PJA2: variants seen among roughly 807,000 people sequenced by gnomAD.
The protein encoded by PJA2 is E3 ubiquitin-protein ligase Praja-2.
Under a neutral mutation model 69.3 loss-of-function variants are expected in PJA2, and 25 were observed. The observed-to-expected ratio is 0.36, with a 90% confidence interval of 0.26 to 0.50. PJA2 has a LOEUF of 0.50. PJA2 is among the 20% of genes least tolerant of loss of function. The probability of loss-of-function intolerance (pLI) is 0.96; values close to 1 mark genes in which losing one functional copy is unlikely to be tolerated. For synonymous variants in PJA2, 308 were observed against 277.8 expected (o/e 1.11, Z -1.08); for missense variants, 809 against 830.2 (o/e 0.97, Z 0.31).
In PJA2 at chr5:109,337,295, G is replaced by A. The variant is rs139484791; in HGVS notation, c.2063C>T (p.Ala688Val). The change falls in exon 10 of 10, where the codon GCT becomes GTT. Residue 688 changes from alanine to valine, a missense_variant. Transcript: ENST00000361189. ...FPPAVIEASA[A>V]PSSEPDPDAP... ...ATCAGGATCAGGCTCAGAGGAAGGAGCTGCAGATGCTTCAATAACCGCAGG... is the reference window on the plus strand; with the variant it reads ...ATCAGGATCAGGCTCAGAGGAAGGAACTGCAGATGCTTCAATAACCGCAGG... The A allele has an allele frequency of 8.6e-5, 139 of 1,613,542 alleles. No individual in the cohort carries two copies. The highest frequency in any genetic ancestry group is 1.1e-4 in the Non-Finnish European group (127 of 1,179,794).
At position 109,358,214 on chromosome 5, in the gene PJA2, C is replaced by T. The variant is rs187949657; in HGVS notation, c.1653-2188G>A. Among the ~76,000 whole-genome samples the T allele has an allele frequency of 1.2e-3, 181 of 152,354 alleles. 1 individual carries two copies. Among genetic ancestry groups the T allele is most frequent in the South Asian group, 3.7e-3 (18 of 4,834 alleles). On this transcript the variant is annotated intron_variant, in intron 6 of 9. Transcript: ENST00000361189. ...GAATGAGGGCAAGGAACACCTGGCC[C>T]GCCCAGGGAGGGAAACCGCTTAAAG...
intron 2 of PJA2, among the ~76,000 whole-genome samples, chr5:109,383,026 T>G (rs553444462): frequency 6.6e-6 from 1 of 152,314 alleles, no homozygotes; most frequent in South Asian, 2.1e-4. Flanking sequence ...ATCCCATCAG[T>G]AATCTTGAGG....
intron 9 of PJA2, among the ~76,000 whole-genome samples, chr5:109,339,931 C>T (rs1762012962): frequency 6.6e-6 from 1 of 152,112 alleles, no homozygotes; most frequent in Non-Finnish European, 1.5e-5. Flanking sequence ...AAATTTTGTT[C>T]TGGGAGAAGG....
chr5:109,384,317 T>C (rs1263494560), intron 1 of PJA2, among the ~76,000 whole-genome samples: 1 of 152,244 alleles, frequency 6.6e-6, no homozygotes, highest in African/African-American at 2.4e-5. Flanking sequence ...ATGATGTATT[T>C]ATTCTTTGCA....
chr5:109,400,624 T>C (rs915335351), intron 1 of PJA2, among the ~76,000 whole-genome samples: 1 of 151,988 alleles, frequency 6.6e-6, no homozygotes, highest in Non-Finnish European at 1.5e-5. Flanking sequence ...GCAGTATAAA[T>C]ACAAAACACA....
intron 5 of PJA2, among the ~76,000 whole-genome samples, chr5:109,366,119 C>T (rs930367488): frequency 3.3e-5 from 5 of 152,060 alleles, no homozygotes; most frequent in Admixed American, 2.6e-4. Context: ...TGGTGTACTA[C>T]ATCATTCTGA....
chr5:109,356,162 C>G lies in PJA2; in HGVS notation c.1653-136G>C. 8.1e-6 allele frequency: 5 copies of G among 616,222 alleles called. No homozygotes were observed. In the East Asian group the frequency reaches 1.4e-4, roughly 17 times the overall value. The allele number at this position is 616,222 out of a possible 1,614,324, so 38.2% of individuals were successfully genotyped here. On this transcript the variant is annotated intron_variant, in intron 6 of 9. Transcript: ENST00000361189. ...CAGAAGACCTTAAAATATTTTAATA[C>G]CAACTTGTAGGGTTAGGGGCAGGAG...
chr5:109,363,164 T>A, intron 5 of PJA2, 142 bp from the exon 6 acceptor site: 1 of 635,532 alleles, frequency 1.6e-6, no homozygotes, highest in Non-Finnish European at 2.4e-6. Flanking sequence ...CTGTCTTCCT[T>A]AACTGCAGAA....
chr5:109,381,478 C>T (rs770781673), intron 3 of PJA2, 25 bp downstream of exon 3: 3 of 1,586,908 alleles, frequency 1.9e-6, no homozygotes, highest in Non-Finnish European at 2.6e-6. Flanking sequence ...TATTAATAAC[C>T]TTTAAATAAT....
intron 3 of PJA2, among the ~76,000 whole-genome samples, chr5:109,381,172 A>G (rs774513009): frequency 2.1e-4 from 32 of 152,052 alleles, no homozygotes; most frequent in Non-Finnish European, 1.2e-4. Context: ...GGGAAAAAAT[A>G]TCTCTACTTG....
At chr5:109,359,317 AC>A (rs1442431939) in intron 6 of PJA2, among the ~76,000 whole-genome samples, 1 of 152,208 alleles carries the variant, frequency 6.6e-6, no homozygotes. Flanking sequence ...TCAGTAGTTA[AC>A]CTTCTGAAGA....
chr5:109,377,360 T>C (rs1240334530), intron 4 of PJA2, among the ~76,000 whole-genome samples: 1 of 152,118 alleles, frequency 6.6e-6, no homozygotes, highest in South Asian at 2.1e-4. Flanking sequence ...GGGATGCAAC[T>C]AGCTTACAAG....
chr5:109,394,463 G>T (rs186587339), intron 1 of PJA2, among the ~76,000 whole-genome samples: 2 of 152,148 alleles, frequency 1.3e-5, no homozygotes, highest in African/African-American at 4.8e-5. Flanking sequence ...ATAGTCACTG[G>T]AAGAAAATAT....
At chr5:109,409,694 G>A (rs1162697800) in intron 1 of PJA2, 148 bp downstream of exon 1, 2 of 153,216 alleles carry the variant, frequency 1.3e-5, no homozygotes, top group Non-Finnish European at 2.9e-5. Flanking sequence ...CACCATGGCC[G>A]GCGCAGCAGG....
chr5:109,378,899 T>A lies in PJA2; in HGVS notation c.588A>T (p.Ser196=), dbSNP rs1319741892. 1 of 1,614,214 alleles carries A rather than the reference T, an allele frequency of 6.2e-7. No homozygotes were observed. The highest frequency in any genetic ancestry group is 8.5e-7 in the Non-Finnish European group (1 of 1,180,034). The change falls in exon 4 of 10, where the codon TCA becomes TCT. Residue 196 remains serine (S), a synonymous_variant. Coordinates refer to ENST00000361189, the MANE Select transcript of PJA2 (RefSeq NM_014819.5). The stretch of plus-strand genomic sequence containing the variant: ...CCAACTCAAATACTGTATTGCCTAA[T>A]GATTCCTGGTATCTACTACCTTCCA... ...EVVEGSRYQE[S]LGNTVFELEN... is the part of the protein sequence containing the mutation.
intron 1 of PJA2, among the ~76,000 whole-genome samples, chr5:109,389,181 T>C (rs1747229595): frequency 6.6e-6 from 1 of 152,170 alleles, no homozygotes; most frequent in Non-Finnish European, 1.5e-5. Context: ...AAATAAATCT[T>C]TCTATCTTCT....
At chr5:109,394,857 T>A (rs931028576) in intron 1 of PJA2, among the ~76,000 whole-genome samples, 3 of 151,916 alleles carry the variant, frequency 2.0e-5, no homozygotes, top group African/African-American at 4.8e-5. Context: ...CAGATAAAAA[T>A]TTTTTTTTAA....
rs540596043 is a variant in PJA2, at chr5:109,409,965, C to CGGCGGCGGT, written c.-220_-212dup. ...AAGCGGCTGGCGGCTGTGGCGGCGG[C>CGGCGGCGGT]GGCGGCGGTGGCGGCGGCGGAAGCA... On this transcript the variant is annotated 5_prime_UTR_variant, in exon 1 of 10. Transcript: ENST00000361189. 0.011 allele frequency: 2,478 copies of CGGCGGCGGT among 216,404 alleles called. 27 individuals carry two copies. The highest frequency in any genetic ancestry group is 0.017 in the Non-Finnish European group (1,861 of 110,024). 13.4% of individuals were successfully genotyped at this position (216,404 alleles called of 1,614,324 possible).
At chr5:109,355,806 G>C in intron 7 of PJA2, 109 bp downstream of exon 7, 1 of 701,950 alleles carries the variant, frequency 1.4e-6, no homozygotes, top group South Asian at 2.3e-5. Flanking sequence ...TTACTAAACT[G>C]ATGGGAAAAA....
Sources: allele counts gnomAD v4.1 joint callset (sites outside exome capture counted in the v4.1 genomes callset), GRCh38; gene constraint gnomAD v4.1.1; transcripts MANE v1.5; gene names NCBI Gene and HGNC (gene_info 2026-07-23, HGNC 2026-07-21).